LRRFIP1: variants seen among roughly 807,000 people sequenced by gnomAD.
LRRFIP1 encodes the protein leucine-rich repeat flightless-interacting protein 1.
LRRFIP1 carries 62 observed loss-of-function variants against 104.4 expected under a neutral mutation model. The observed-to-expected ratio is 0.59, with a 90% CI of 0.48 to 0.73. The LOEUF (loss-of-function observed/expected upper bound fraction) is 0.73. LRRFIP1 is among the 30% of genes least tolerant of loss of function. LRRFIP1 has a pLI of 0.00. For synonymous variants in LRRFIP1, 300 were observed against 299.0 expected (o/e 1.00, Z -0.03); for missense variants, 796 against 824.5 (o/e 0.97, Z 0.42).
chr2:237,669,868 A>G (rs1423564855), intron 1 of LRRFIP1, among the ~76,000 whole-genome samples: 1 of 152,128 alleles, frequency 6.6e-6, no homozygotes, highest in Non-Finnish European at 1.5e-5. Context: ...TTCCGCCCAA[A>G]TGTGGGATGT....
At chr2:237,765,469 ACC>A in intron 19 of LRRFIP1, 1 of 853,700 alleles carries the variant, frequency 1.2e-6, no homozygotes, top group Non-Finnish European at 1.4e-6. Flanking sequence ...AAGTTTTTGA[ACC>A]TTAAAATACT....
intron 14 of LRRFIP1, among the ~76,000 whole-genome samples, chr2:237,751,693 G>A (rs1053384431): frequency 2.0e-5 from 3 of 152,206 alleles, no homozygotes; most frequent in Non-Finnish European, 2.9e-5. Context: ...TAATAAGGCC[G>A]TCCTCACATG....
At chr2:237,779,292 C>A in intron 23 of LRRFIP1, 130 bp from the exon 24 acceptor site, 1 of 1,371,604 alleles carries the variant, frequency 7.3e-7, no homozygotes, top group Non-Finnish European at 9.6e-7. Context: ...GGAGGAAGGG[C>A]ATCATGAGGG....
chr2:237,635,334 T>C (rs72991730), intron 1 of LRRFIP1, among the ~76,000 whole-genome samples: 1 of 152,308 alleles, frequency 6.6e-6, no homozygotes, highest in Non-Finnish European at 1.5e-5. Flanking sequence ...AAAATAAAGA[T>C]AGCATGCTGT....
At chr2:237,641,826 G>C (rs2084025396) in intron 1 of LRRFIP1, among the ~76,000 whole-genome samples, 1 of 152,154 alleles carries the variant, frequency 6.6e-6, no homozygotes, top group Non-Finnish European at 1.5e-5. Flanking sequence ...TTTGTGTCTT[G>C]CTTTTAAATT....
At chr2:237,658,488 A>G (rs563820795) in intron 1 of LRRFIP1, among the ~76,000 whole-genome samples, 2 of 152,326 alleles carry the variant, frequency 1.3e-5, no homozygotes, top group Admixed American at 6.5e-5. Context: ...ATTTTTTCAA[A>G]AAGATTAGTA....
intron 1 of LRRFIP1, among the ~76,000 whole-genome samples, chr2:237,640,644 C>T (rs1415663862): frequency 6.6e-6 from 1 of 152,124 alleles, no homozygotes; most frequent in African/African-American, 2.4e-5. Context: ...CCATATCTCC[C>T]GTAAAAGCAC....
intron 1 of LRRFIP1, among the ~76,000 whole-genome samples, chr2:237,689,751 C>T (rs994968897): frequency 6.6e-6 from 1 of 152,178 alleles, no homozygotes; most frequent in Admixed American, 6.5e-5. Flanking sequence ...TGAGTCAGGG[C>T]ACCTACCAAG....
Position 237,691,662 on chromosome 2 carries a change from AT to A in LRRFIP1, c.97-16881del, listed in dbSNP as rs200782838. Among the ~76,000 whole-genome samples, 17,655 of 151,708 alleles carry A rather than the reference AT, an allele frequency of 0.12. 3,106 individuals carry two copies. Among genetic ancestry groups the A allele is most frequent in the African/African-American group, 0.39 (15,907 of 41,292 alleles). ...ATGGATGTGGGGGAGCCGGGAACTC[AT>A]ACCCTCGCCCAGCCCCGGGCAGGTC... is the stretch of plus-strand genomic sequence containing the variant. On this transcript the variant is annotated intron_variant, in intron 1 of 23. Coordinates refer to ENST00000308482, the MANE Select transcript of LRRFIP1 (RefSeq NM_001137550.2). This position sits in a 1 kb window ranked among gnomAD's most constrained non-coding sequence, Gnocchi z 5.4.
chr2:237,769,895 G>A (rs767189704), intron 19 of LRRFIP1, 48 bp from the exon 20 acceptor site: 1 of 1,392,594 alleles, frequency 7.2e-7, no homozygotes, highest in African/African-American at 1.4e-5. Flanking sequence ...GTGCTGAAAG[G>A]CGCGGCACGC....
chr2:237,772,787 C>T lies in LRRFIP1; in HGVS notation c.1628-79C>T, dbSNP rs1415321987. On this transcript the variant is annotated intron_variant, in intron 21 of 23. Coordinates refer to ENST00000308482, the MANE Select transcript of LRRFIP1 (RefSeq NM_001137550.2). ...TTGTGAGATGATTACAAAGTAAGGG[C>T]TTGGTTCCCAGTAACTATTGTTTTA... is the stretch of plus-strand genomic sequence containing the variant. 3.1e-6 allele frequency: 3 copies of T among 959,448 alleles called. No homozygotes were observed. In the East Asian group the frequency reaches 7.2e-5, roughly 23 times the overall value. 59.4% of individuals were successfully genotyped at this position (959,448 alleles called of 1,614,324 possible). A position where few individuals can be genotyped will look rare whatever the true frequency, so the allele number is the denominator to read the frequency against.
chr2:237,739,110 T>C (rs1272122551), intron 10 of LRRFIP1, 122 bp from the exon 11 acceptor site: 1 of 747,150 alleles, frequency 1.3e-6, no homozygotes, highest in Non-Finnish European at 2.2e-6. Context: ...TTCCTTGCCG[T>C]GCGTGGCTAA....
At chr2:237,768,056 CTA>C (rs2060350020) in intron 19 of LRRFIP1, 1 of 152,198 alleles carries the variant, frequency 6.6e-6, no homozygotes, top group Non-Finnish European at 1.5e-5. Context: ...AATTTCCCAG[CTA>C]TACAGACACT....
rs563612631 is a variant in LRRFIP1, at chr2:237,634,891, A to T, written c.96+7151A>T. Among the ~76,000 whole-genome samples the T allele has an allele frequency of 4.6e-5, 7 of 152,246 alleles. No homozygotes were observed. In the South Asian group the frequency reaches 1.2e-3, roughly 27 times the overall value. ...TATGATTAAACAAAGCAGATAATCT[A>T]TCAATTCCATTTTATTCTCCCATGG... On this transcript the variant is annotated intron_variant, in intron 1 of 23. Transcript: ENST00000308482.
Position 237,757,545 on chromosome 2 carries a change from A to AG in LRRFIP1, c.1224+1dup. 6.4e-7 allele frequency: 1 copy of AG among 1,571,064 alleles called. No homozygotes were observed. The highest frequency in any genetic ancestry group is 1.2e-5 in the South Asian group (1 of 85,292). On this transcript the variant is annotated frameshift_variant, in exon 17 of 24. Coordinates refer to ENST00000308482, the MANE Select transcript of LRRFIP1 (RefSeq NM_001137550.2). LOFTEE classifies it high-confidence loss of function. Reference sequence around the variant, plus strand: ...CAATAGAGTGGAAAGACAAAAAGATAGGGGTAGGATTCCCAAGTCTTGAAA... The same window carrying AG: ...CAATAGAGTGGAAAGACAAAAAGATAGGGGGTAGGATTCCCAAGTCTTGAAA...
rs1575510525 is a variant in LRRFIP1, at chr2:237,691,165, T to A, written c.97-17379T>A. Among the ~76,000 whole-genome samples the A allele has an allele frequency of 6.6e-6, 1 of 152,120 alleles. No homozygotes were observed. Among genetic ancestry groups the A allele is most frequent in the East Asian group, 1.9e-4 (1 of 5,178 alleles). ...GAATTGGAGGGCTGTAAAATGTAAA[T>A]GTGCTTTAAATTTTACATTTCCTGG... is the stretch of plus-strand genomic sequence containing the variant. On this transcript the variant is annotated intron_variant, in intron 1 of 23. Coordinates refer to ENST00000308482, the MANE Select transcript of LRRFIP1 (RefSeq NM_001137550.2). The surrounding 1 kb of genome is among the most constrained non-coding windows in gnomAD (Gnocchi z 5.4).
At chr2:237,656,162 C>A (rs540614043) in intron 1 of LRRFIP1, among the ~76,000 whole-genome samples, 2 of 152,226 alleles carry the variant, frequency 1.3e-5, no homozygotes, top group East Asian at 1.9e-4. Context: ...GGTGGCAATG[C>A]ATATATGTAT....
chr2:237,700,111 C>T lies in LRRFIP1; in HGVS notation c.97-8433C>T, dbSNP rs868309064. On this transcript the variant is annotated intron_variant, in intron 1 of 23. Coordinates refer to ENST00000308482, the MANE Select transcript of LRRFIP1 (RefSeq NM_001137550.2). ...CCACGTCTGTGCAGGAGAACATCACCCGGCCCACTTGGTTGCTGTGAATAG... is the reference window on the plus strand; with the variant it reads ...CCACGTCTGTGCAGGAGAACATCACTCGGCCCACTTGGTTGCTGTGAATAG... 3.3e-5 allele frequency among the ~76,000 whole-genome samples: 5 copies of T among 152,324 alleles called. No individual in the cohort carries two copies. The South Asian group carries it at 8.3e-4, about 25-fold the overall frequency.
intron 1 of LRRFIP1, among the ~76,000 whole-genome samples, chr2:237,692,773 G>T (rs2092905099): frequency 6.6e-6 from 1 of 152,244 alleles, no homozygotes; most frequent in South Asian, 2.1e-4. Context: ...AAGGCACATG[G>T]TCTCTCCCCG....
Sources: allele counts gnomAD v4.1 joint callset (sites outside exome capture counted in the v4.1 genomes callset), GRCh38; gene constraint gnomAD v4.1.1; non-coding constraint Gnocchi (gnomAD v3.1); transcripts MANE v1.5; gene names NCBI Gene and HGNC (gene_info 2026-07-23, HGNC 2026-07-21).